ADCY8: variants seen among roughly 807,000 people sequenced by gnomAD.
The protein encoded by ADCY8 is adenylate cyclase 8, also known as adenylate cyclase type 8.
ADCY8 carries 51 observed loss-of-function variants against 119.7 expected under a neutral mutation model. The ratio of observed to expected loss-of-function variants is 0.43; its 90% CI spans 0.34 to 0.54. ADCY8 has a LOEUF of 0.54. Among genes scored for constraint, ADCY8 ranks in the 20% least tolerant of loss-of-function variants. The pLI is 0.03. For synonymous variants in ADCY8, 665 were observed against 651.0 expected, an observed-to-expected ratio of 1.02 and a Z score of -0.33; for missense variants, 1,383 against 1,598.8, an observed-to-expected ratio of 0.87 and a Z score of 2.30.
chr8:130,960,344 G>A (rs1821561352), intron 2 of ADCY8, among the ~76,000 whole-genome samples: 1 of 152,170 alleles, frequency 6.6e-6, no homozygotes. Flanking sequence ...TTCTGTCCAT[G>A]TAGACATCAT....
intron 2 of ADCY8, among the ~76,000 whole-genome samples, chr8:130,958,012 G>T (rs914705920): frequency 1.3e-5 from 2 of 152,134 alleles, no homozygotes; most frequent in Admixed American, 1.3e-4. Context: ...GTCCCTACTG[G>T]GGCACCATCT....
intron 1 of ADCY8, among the ~76,000 whole-genome samples, chr8:131,034,418 T>C (rs936878482): frequency 8.5e-5 from 13 of 152,058 alleles, no homozygotes; most frequent in African/African-American, 2.9e-4. Flanking sequence ...GAACCCAACT[T>C]ACTCATACTA....
At chr8:130,985,039 G>A (rs1822356015) in intron 2 of ADCY8, among the ~76,000 whole-genome samples, 1 of 152,120 alleles carries the variant, frequency 6.6e-6, no homozygotes, top group African/African-American at 2.4e-5. Context: ...TTAAGTGTTT[G>A]GAGGAGGAAG....
Position 130,800,414 on chromosome 8 carries a change from G to A in ADCY8, c.3060+12C>T, listed in dbSNP as rs1563669382. 3 of 1,614,042 alleles carry A rather than the reference G, an allele frequency of 1.9e-6. No homozygotes were observed. The highest frequency in any genetic ancestry group is 2.5e-6 in the Non-Finnish European group (3 of 1,179,984). On this transcript the variant is annotated intron_variant, in intron 15 of 17. Coordinates refer to ENST00000286355, the MANE Select transcript of ADCY8 (RefSeq NM_001115.3). Reference sequence around the variant, plus strand: ...CCATTTGTGATTGTAAATGTCTCAGGCTTAGATTTACCTCATCGAAGTCAG... The same window carrying A: ...CCATTTGTGATTGTAAATGTCTCAGACTTAGATTTACCTCATCGAAGTCAG...
intron 1 of ADCY8, among the ~76,000 whole-genome samples, chr8:131,032,145 G>A (rs1824016487): frequency 1.3e-5 from 2 of 152,100 alleles, no homozygotes; most frequent in South Asian, 2.1e-4. Context: ...AGATGGAAAC[G>A]GCAGTTGTAA....
intron 1 of ADCY8, among the ~76,000 whole-genome samples, chr8:131,021,542 A>G (rs2130796346): frequency 6.6e-6 from 1 of 152,294 alleles, no homozygotes; most frequent in Middle Eastern, 3.4e-3. Context: ...GTACCCACTC[A>G]AATCTCATCT....
In ADCY8 at chr8:130,883,820, G is replaced by A. The variant is rs7008162; in HGVS notation, c.2109+744C>T. ...TCTCCAGTTCAAAGCTGAGGTGGGG[G>A]AGGGGAATGGAAAAAGTCATCATTA... On this transcript the variant is annotated intron_variant, in intron 8 of 17. Coordinates refer to ENST00000286355, the MANE Select transcript of ADCY8 (RefSeq NM_001115.3). 2.6e-5 allele frequency among the ~76,000 whole-genome samples: 4 copies of A among 152,118 alleles called. No individual in the cohort carries two copies. In the South Asian group the frequency reaches 8.3e-4, roughly 31 times the overall value.
chr8:130,836,292 A>G lies in ADCY8; in HGVS notation c.2660T>C (p.Leu887Pro). 1 of 1,613,222 alleles carries G rather than the reference A, an allele frequency of 6.2e-7. No individual in the cohort carries two copies. The highest frequency in any genetic ancestry group is 1.1e-5 in the South Asian group (1 of 90,956). ...GGGCACTTACTCTCCACTGTGGTTG[A>G]GGTTGTCATAACGCAGAAAGAGGCC... ...YAGLFLRYDNLNHSGEDFLGT... is the reference protein window; with the variant it reads ...YAGLFLRYDNPNHSGEDFLGT... The change falls in exon 12 of 18, where the codon CTC becomes CCC. Residue 887 changes from leucine to proline, a missense_variant. Physicochemically the swap from Leu to Pro is moderately conservative, Grantham distance 98 (BLOSUM62 -3). This residue lies in a region of ADCY8 where 928 missense variants were observed against 1,163.5 expected (regional missense o/e 0.80). Transcript: ENST00000286355.
rs1242219244 is a variant in ADCY8 at position 130,969,150 on chromosome 8, TTAAATTGA to T, written c.1111-17160_1111-17153del. Among the ~76,000 whole-genome samples the T allele has an allele frequency of 2.6e-5, 4 of 152,302 alleles. No individual in the cohort carries two copies. The East Asian group carries it at 7.7e-4, about 29-fold the overall frequency. ...AGGTGATTTTGGACAAGATTAACAT[TTAAATTGA>T]TGGACTTTGAGGAAAGCAGATTGTC... On this transcript the variant is annotated intron_variant, in intron 2 of 17. Transcript: ENST00000286355.
At chr8:131,038,277 T>G (rs934301812) in intron 1 of ADCY8, among the ~76,000 whole-genome samples, 2 of 152,156 alleles carry the variant, frequency 1.3e-5, no homozygotes, top group Non-Finnish European at 2.9e-5. Flanking sequence ...AAGCTTCTAA[T>G]ACAGCAAAAA....
intron 8 of ADCY8, among the ~76,000 whole-genome samples, chr8:130,883,142 G>A (rs1013074513): frequency 6.6e-6 from 1 of 152,054 alleles, no homozygotes; most frequent in Admixed American, 6.5e-5. Flanking sequence ...TAGTATGCAC[G>A]GGTTAGGTTA....
intron 9 of ADCY8, among the ~76,000 whole-genome samples, chr8:130,867,415 T>A (rs1818166894): frequency 6.6e-6 from 1 of 152,180 alleles, no homozygotes; most frequent in Non-Finnish European, 1.5e-5. Flanking sequence ...TTTTTGTACG[T>A]AAAGTAGAAC....
At chr8:131,032,336 A>T (rs1321686062) in intron 1 of ADCY8, among the ~76,000 whole-genome samples, 1 of 152,230 alleles carries the variant, frequency 6.6e-6, no homozygotes, top group Non-Finnish European at 1.5e-5. Context: ...ACAGAGTGAA[A>T]GGGATAGAAA....
intron 8 of ADCY8, among the ~76,000 whole-genome samples, chr8:130,871,493 A>T (rs1282994749): frequency 6.6e-6 from 1 of 152,226 alleles, no homozygotes; most frequent in Admixed American, 6.5e-5. Context: ...GGAGAATGAA[A>T]TGAGGTAATA....
intron 10 of ADCY8, 26 bp from the exon 11 acceptor site, chr8:130,847,539 G>T: frequency 8.3e-7 from 1 of 1,211,344 alleles, no homozygotes; most frequent in Non-Finnish European, 1.2e-6. Context: ...AAAAAAAAAA[G>T]AACAACAAAA....
chr8:130,886,909 A>G (rs1819005528), intron 7 of ADCY8, among the ~76,000 whole-genome samples: 1 of 152,138 alleles, frequency 6.6e-6, no homozygotes, highest in South Asian at 2.1e-4. Context: ...TGATTTCTTT[A>G]AATTTCAGTA....
chr8:130,991,270 G>A (rs190424564), intron 1 of ADCY8, among the ~76,000 whole-genome samples: 122 of 152,258 alleles, frequency 8.0e-4, no homozygotes, highest in African/African-American at 2.8e-3. Flanking sequence ...CATGGCTTTA[G>A]CCTGAGAACA....
intron 8 of ADCY8, among the ~76,000 whole-genome samples, chr8:130,869,942 T>TCC (rs1491170910): frequency 2.4e-4 from 31 of 129,588 alleles, no homozygotes; most frequent in African/African-American, 6.0e-4. Flanking sequence ...CCTCCTCCTC[T>TCC]TCTTCTTCTT....
At position 130,923,215 on chromosome 8, in the gene ADCY8, G is replaced by A. The variant is rs1384686284; in HGVS notation, c.1482-13349C>T. Among the ~76,000 whole-genome samples, 6 of 151,882 alleles carry A rather than the reference G, an allele frequency of 4.0e-5. No homozygotes were observed. The East Asian group carries it at 9.7e-4, about 25-fold the overall frequency. ...AAATAAAGAAAGGGAAAGAGAGAGA[G>A]AGAAAGAGAGAAAAGAAAAGAGGGA... On this transcript the variant is annotated intron_variant, in intron 5 of 17. Transcript: ENST00000286355.
Sources: allele counts gnomAD v4.1 joint callset (sites outside exome capture counted in the v4.1 genomes callset), GRCh38; gene constraint gnomAD v4.1.1; regional missense constraint gnomAD v4.1.1; transcripts MANE v1.5; gene names NCBI Gene and HGNC (gene_info 2026-07-23, HGNC 2026-07-21).